The following NAGK variants were observed in gnomAD, a reference collection of about 807,000 sequenced individuals.
NAGK encodes the protein N-acetylglucosamine kinase.
In NAGK, 35 loss-of-function variants were observed where a neutral mutation model predicts 42.9. That is an observed-to-expected ratio of 0.82 (90% CI 0.62 to 1.08). The LOEUF is 1.08. Ranked by LOEUF, NAGK falls within the 50% of genes least tolerant of loss-of-function variation. The probability of loss-of-function intolerance (pLI) is 0.00; values close to 1 mark genes in which losing one functional copy is unlikely to be tolerated. For missense variants in NAGK, 446 were observed against 446.0 expected (o/e 1.00, Z 0.00); for synonymous variants, 172 against 176.0 (o/e 0.98, Z 0.18).
chr2:71,070,440 C>T (rs572876708), intron 1 of NAGK, 62 bp from the exon 2 acceptor site: 17 of 1,455,752 alleles, frequency 1.2e-5, no homozygotes, highest in Admixed American at 1.7e-5. Context: ...GTGGACAGCA[C>T]AAGCTTAGCT....
At position 71,073,503 on chromosome 2, in the gene NAGK, C is replaced by T; in HGVS notation, c.488C>T (p.Ala163Val). 6.2e-7 allele frequency: 1 copy of T among 1,614,062 alleles called. No individual in the cohort carries two copies. The highest frequency in any genetic ancestry group is 8.5e-7 in the Non-Finnish European group (1 of 1,179,910). The change falls in exon 6 of 10, where the codon GCA becomes GTA. Residue 163 changes from alanine to valine, a missense_variant. Transcript: ENST00000244204. Reference protein sequence around the residue: ...EGSAYWIAHQAVKIVFDSIDN... With the variant: ...EGSAYWIAHQVVKIVFDSIDN... Reference sequence around the variant, plus strand: ...GCAGCCTACTGGATCGCACACCAAGCAGTGAAAATAGTGTTTGACTCCATT... The same window carrying T: ...GCAGCCTACTGGATCGCACACCAAGTAGTGAAAATAGTGTTTGACTCCATT...
intron 4 of NAGK, 118 bp downstream of exon 4, chr2:71,071,945 C>T (rs939518744): frequency 8.8e-5 from 117 of 1,326,904 alleles, no homozygotes; most frequent in Non-Finnish European, 1.1e-4. Flanking sequence ...TTATATTCCC[C>T]TCAACTCTTT....
chr2:71,075,775 T>G (rs1672187616), intron 7 of NAGK, 133 bp downstream of exon 7: 1 of 848,200 alleles, frequency 1.2e-6, no homozygotes, highest in Non-Finnish European at 1.9e-6. Context: ...CTGCCACCAC[T>G]GGCCTTGGTG....
intron 3 of NAGK, chr2:71,071,321 A>G (rs1227186232): frequency 9.9e-6 from 3 of 301,564 alleles, no homozygotes; most frequent in Non-Finnish European, 1.9e-5. Context: ...CTCCCTGGAC[A>G]TATATGTGAG....
In NAGK at chr2:71,068,707, AG is replaced by A; in HGVS notation, c.25del (p.Glu9ArgfsTer11). 3 of 1,486,140 alleles carry A rather than the reference AG, an allele frequency of 2.0e-6. No individual in the cohort carries two copies. The highest frequency in any genetic ancestry group is 2.7e-6 in the Non-Finnish European group (3 of 1,121,082). 92.1% of individuals were successfully genotyped at this position (1,486,140 alleles called of 1,614,324 possible). A position where few individuals can be genotyped will look rare whatever the true frequency, so the allele number is the denominator to read the frequency against. On this transcript the variant is annotated frameshift_variant, in exon 1 of 10. Transcript: ENST00000244204. LOFTEE classifies it high-confidence loss of function. ...GCATGGCCGCGATCTATGGGGGTGT[AG>A]AGGGGTGAGTGCGGCCCGGCGGAGG... The part of the protein sequence containing the change: MAAIYGGV[E>X]GGGTRSEVLL...
upstream of NAGK, chr2:71,068,516 C>G: frequency 1.4e-6 from 2 of 1,448,160 alleles, no homozygotes; most frequent in Non-Finnish European, 1.8e-6. Context: ...CGCAGCCATC[C>G]CCGGCTCCTA....
chr2:71,073,324 A>ACCCCCCCCCCCCC, intron 5 of NAGK, 158 bp from the exon 6 acceptor site: 31 of 188,364 alleles, frequency 1.6e-4, no homozygotes, highest in South Asian at 3.5e-4. Context: ...AGACCCTCCC[A>ACCCCCCCCCCCCC]CCCCCCTCTC....
chr2:71,076,776 C>A, intron 8 of NAGK, 75 bp downstream of exon 8: 2 of 1,194,424 alleles, frequency 1.7e-6, no homozygotes, highest in Non-Finnish European at 2.5e-6. Context: ...ATGGGACTAT[C>A]CCATCAAACC....
At chr2:71,076,237 G>C in intron 7 of NAGK, 1 of 196,960 alleles carries the variant, frequency 5.1e-6, no homozygotes, top group Non-Finnish European at 1.1e-5. Flanking sequence ...CCAGCCAGCT[G>C]TTCAGCTAGG....
chr2:71,068,522 T>C, upstream of NAGK: 2 of 1,455,064 alleles, frequency 1.4e-6, no homozygotes, highest in East Asian at 5.9e-5. Context: ...CATCCCCGGC[T>C]CCTACCGGCG....
intron 4 of NAGK, 86 bp from the exon 5 acceptor site, chr2:71,072,555 G>A: frequency 8.5e-7 from 1 of 1,169,766 alleles, no homozygotes; most frequent in South Asian, 1.3e-5. Flanking sequence ...GCCTGGGGCT[G>A]TTTTCTGTCC....
intron 5 of NAGK, 138 bp from the exon 6 acceptor site, chr2:71,073,344 G>A: frequency 4.5e-6 from 1 of 224,624 alleles, no homozygotes; most frequent in Non-Finnish European, 8.8e-6. Flanking sequence ...CCCACCCCCT[G>A]CCACCCCTGG....
rs1192887449 is a variant in NAGK, at chr2:71,068,720, C to T, written c.29+8C>T. 9.5e-5 allele frequency: 139 copies of T among 1,456,374 alleles called. 2 individuals carry two copies. Among genetic ancestry groups the T allele is most frequent in the African/African-American group, 1.5e-5 (1 of 66,472 alleles). The allele number at this position is 1,456,374 out of a possible 1,614,324, so 90.2% of individuals were successfully genotyped here. ...CTATGGGGGTGTAGAGGGGTGAGTG[C>T]GGCCCGGCGGAGGGAGCCTGGGCCC... On this transcript the variant is annotated splice_region_variant and intron_variant, in intron 1 of 9. Transcript: ENST00000244204.
chr2:71,073,778 A>C (rs1423185837), intron 6 of NAGK, among the ~76,000 whole-genome samples, 184 bp downstream of exon 6: 1 of 152,086 alleles, frequency 6.6e-6, no homozygotes, highest in African/African-American at 2.4e-5. Flanking sequence ...ATTCTAGGAC[A>C]GGGCAGTGCA....
chr2:71,073,548 C>T lies in NAGK; in HGVS notation c.533C>T (p.Pro178Leu). 1 of 1,614,134 alleles carries T rather than the reference C, an allele frequency of 6.2e-7. No individual in the cohort carries two copies. Among genetic ancestry groups the T allele is most frequent in the African/African-American group, 1.3e-5 (1 of 75,010 alleles). ...FDSIDNLEAA[P>L]HDIGYVKQAM... is the part of the protein sequence containing the mutation. The stretch of plus-strand genomic sequence containing the variant: ...TCCATTGACAACCTAGAGGCGGCTC[C>T]TCATGATATCGGCTACGTCAAACAG... The change falls in exon 6 of 10, where the codon CCT becomes CTT. Residue 178 changes from proline (P) to leucine (L), a missense_variant. Physicochemically the swap from Pro to Leu is moderately conservative, Grantham distance 98. Coordinates refer to ENST00000244204, the MANE Select transcript of NAGK (RefSeq NM_017567.6).
intron 5 of NAGK, 59 bp downstream of exon 5, chr2:71,072,810 G>A (rs1672071752): frequency 6.8e-7 from 1 of 1,472,154 alleles, no homozygotes; most frequent in Non-Finnish European, 9.4e-7. Flanking sequence ...TTCACTCCCT[G>A]TCTTTCTCTC....
intron 1 of NAGK, chr2:71,069,927 C>T (rs888352): frequency 0.18 from 29,309 of 158,918 alleles, 3,121 homozygotes; most frequent in Middle Eastern, 0.25. Context: ...GCATTTCTAG[C>T]AAAGGTGTCT....
Position 71,075,553 on chromosome 2 carries a change from A to G in NAGK, c.580-2A>G, listed in dbSNP as rs754032107. 1.2e-6 allele frequency: 2 copies of G among 1,611,538 alleles called. No homozygotes were observed. The highest frequency in any genetic ancestry group is 1.7e-6 in the Non-Finnish European group (2 of 1,177,738). ...ACTCTCTTGTGCCCTTTCTCCTCTC[A>G]GGTGCCAGATCGGCTAGGGATACTC... On this transcript the variant is annotated splice_acceptor_variant, in intron 6 of 9. Coordinates refer to ENST00000244204, the MANE Select transcript of NAGK (RefSeq NM_017567.6). LOFTEE classifies it high-confidence loss of function.
At position 71,075,610 on chromosome 2, in the gene NAGK, G is replaced by C. The variant is rs1417633670; in HGVS notation, c.635G>C (p.Arg212Thr). 1.1e-5 allele frequency: 18 copies of C among 1,614,128 alleles called. No homozygotes were observed. Among genetic ancestry groups the C allele is most frequent in the Non-Finnish European group, 1.5e-5 (18 of 1,179,986 alleles). ...THLYRDFDKCRFAGFCRKIAE... is the reference protein window; with the variant it reads ...THLYRDFDKCTFAGFCRKIAE... The stretch of plus-strand genomic sequence containing the variant: ...CTGTATAGGGACTTTGATAAATGCA[G>C]GTTTGCTGGGTTTTGCCGGAAAATT... The change falls in exon 7 of 10, where the codon AGG (arginine) becomes ACG (threonine). Residue 212 changes from arginine (R) to threonine (T), a missense_variant. Transcript: ENST00000244204.
Sources: allele counts gnomAD v4.1 joint callset (sites outside exome capture counted in the v4.1 genomes callset), GRCh38; gene constraint gnomAD v4.1.1; transcripts MANE v1.5; gene names NCBI Gene and HGNC (gene_info 2026-07-23, HGNC 2026-07-21).